Variants in STARD3NL observed in about 807,000 individuals in gnomAD.
STARD3NL encodes STARD3 N-terminal-like protein.
A neutral mutation model predicts 30.9 loss-of-function variants in STARD3NL; 17 were observed. The ratio of observed to expected loss-of-function variants is 0.55; its 90% confidence interval spans 0.38 to 0.82. The LOEUF is 0.82. Among genes scored for constraint, STARD3NL ranks in the 40% least tolerant of loss-of-function variants. The probability of loss-of-function intolerance (pLI) is 0.00; values close to 1 mark genes in which losing one functional copy is unlikely to be tolerated. For missense variants in STARD3NL, 234 were observed against 277.6 expected, an observed-to-expected ratio of 0.84 and a Z score of 1.12; for synonymous variants, 112 against 100.5, an observed-to-expected ratio of 1.11 and a Z score of -0.69.
chr7:38,226,537 C>A (rs528599102), intron 7 of STARD3NL, among the ~76,000 whole-genome samples: 1 of 152,136 alleles, frequency 6.6e-6, no homozygotes, highest in African/African-American at 2.4e-5. Flanking sequence ...GCACCTTCAG[C>A]GTTCAGGCCA....
intron 1 of STARD3NL, among the ~76,000 whole-genome samples, chr7:38,190,156 G>A (rs1269433700): frequency 1.3e-5 from 2 of 152,126 alleles, no homozygotes; most frequent in African/African-American, 4.8e-5. Flanking sequence ...ACAATAATGG[G>A]CAGATAGCAT....
chr7:38,212,338 A>G (rs1785857203), intron 2 of STARD3NL, among the ~76,000 whole-genome samples: 1 of 152,076 alleles, frequency 6.6e-6, no homozygotes, highest in South Asian at 2.1e-4. Flanking sequence ...CCCTTCTACT[A>G]GTTGTTTCTT....
intron 1 of STARD3NL, among the ~76,000 whole-genome samples, chr7:38,181,594 T>A (rs1277612397): frequency 6.6e-6 from 1 of 152,218 alleles, no homozygotes; most frequent in African/African-American, 2.4e-5. Flanking sequence ...TGTAACTTAA[T>A]AGAATTTATC....
chr7:38,209,893 G>T (rs1284505711), intron 2 of STARD3NL, among the ~76,000 whole-genome samples: 3 of 152,156 alleles, frequency 2.0e-5, no homozygotes, highest in African/African-American at 7.2e-5. Context: ...ACCAGGCCTA[G>T]CAATTTAGAA....
intron 2 of STARD3NL, among the ~76,000 whole-genome samples, chr7:38,210,866 A>G (rs971678478): frequency 6.6e-6 from 1 of 152,194 alleles, no homozygotes; most frequent in Admixed American, 6.5e-5. Flanking sequence ...AGAAAATGTC[A>G]TAACAGTCCT....
At chr7:38,224,055 T>C (rs746706424) in intron 7 of STARD3NL, among the ~76,000 whole-genome samples, 14 of 152,228 alleles carry the variant, frequency 9.2e-5, no homozygotes, top group Non-Finnish European at 1.8e-4. Context: ...TGTAGTGATA[T>C]GATACATGGC....
At position 38,214,959 on chromosome 7, in the gene STARD3NL, A is replaced by G. The variant is rs1786013908; in HGVS notation, c.304-69A>G. ...TCACAGTAATGAAGACAGTCTGGTG[A>G]GTTTTTCATAAAGCTGTGTCATTTT... On this transcript the variant is annotated intron_variant, in intron 3 of 8. Coordinates refer to ENST00000009041, the MANE Select transcript of STARD3NL (RefSeq NM_032016.4). The G allele has an allele frequency of 5.1e-6, 7 of 1,372,182 alleles. No individual in the cohort carries two copies. The Admixed American group carries it at 5.7e-5, about 11-fold the overall frequency. 85.0% of individuals were successfully genotyped at this position (1,372,182 alleles called of 1,614,324 possible).
chr7:38,203,576 A>G (rs1785291392), intron 1 of STARD3NL, among the ~76,000 whole-genome samples: 1 of 152,184 alleles, frequency 6.6e-6, no homozygotes, highest in Non-Finnish European at 1.5e-5. Context: ...TCAACTAACG[A>G]GCAAAATAAC....
intron 1 of STARD3NL, among the ~76,000 whole-genome samples, chr7:38,179,629 A>G (rs1007735401): frequency 2.0e-5 from 3 of 152,238 alleles, no homozygotes; most frequent in African/African-American, 7.2e-5. Flanking sequence ...TGAGCAATTT[A>G]GATAAGGCCC....
Position 38,206,462 on chromosome 7 carries a change from G to A in STARD3NL, c.-58-985G>A, listed in dbSNP as rs368525878. On this transcript the variant is annotated intron_variant, in intron 1 of 8. Transcript: ENST00000009041. ...ACAATCATACCATCCACCACACTTCGTTTAATGTCTTTGTCCCATCCATAA... is the reference window on the plus strand; with the variant it reads ...ACAATCATACCATCCACCACACTTCATTTAATGTCTTTGTCCCATCCATAA... Among the ~76,000 whole-genome samples, 27 of 152,276 alleles carry A rather than the reference G, an allele frequency of 1.8e-4. No homozygotes were observed. The South Asian group carries it at 5.4e-3, about 30-fold the overall frequency.
chr7:38,207,011 A>G (rs1008454644), intron 1 of STARD3NL, among the ~76,000 whole-genome samples: 9 of 152,142 alleles, frequency 5.9e-5, no homozygotes, highest in African/African-American at 2.2e-4. Flanking sequence ...TTTATAGCTA[A>G]TTTACACATT....
At chr7:38,181,763 T>C (rs1161933510) in intron 1 of STARD3NL, among the ~76,000 whole-genome samples, 1 of 152,206 alleles carries the variant, frequency 6.6e-6, no homozygotes, top group Non-Finnish European at 1.5e-5. Flanking sequence ...ATGCAACTAA[T>C]GCCCATATTC....
chr7:38,213,056 A>G (rs999687525), intron 2 of STARD3NL, among the ~76,000 whole-genome samples: 1 of 152,180 alleles, frequency 6.6e-6, no homozygotes, highest in Non-Finnish European at 1.5e-5. Context: ...TATTTATTGC[A>G]AAACTCTATG....
At chr7:38,207,375 A>T in intron 1 of STARD3NL, 72 bp from the exon 2 acceptor site, 1 of 674,574 alleles carries the variant, frequency 1.5e-6, no homozygotes, top group Non-Finnish European at 2.5e-6. Context: ...ATAGTTGCAC[A>T]GTGGAGAGGG....
At chr7:38,187,942 C>T (rs140583435) in intron 1 of STARD3NL, among the ~76,000 whole-genome samples, 263 of 152,248 alleles carry the variant, frequency 1.7e-3, no homozygotes, top group African/African-American at 6.0e-3. Context: ...GCTAATCTGT[C>T]GCCAAATGCT....
intron 1 of STARD3NL, chr7:38,202,010 A>G (rs1785204529): frequency 6.6e-6 from 1 of 152,218 alleles, no homozygotes; most frequent in Admixed American, 6.5e-5. Flanking sequence ...CTTAAACTTA[A>G]AATATGTGTT....
chr7:38,224,509 TAAAC>T (rs1786645175), intron 7 of STARD3NL, among the ~76,000 whole-genome samples: 3 of 152,172 alleles, frequency 2.0e-5, no homozygotes, highest in Admixed American at 2.0e-4. Flanking sequence ...ATTCCAGAAA[TAAAC>T]AGTCCATAAG....
chr7:38,206,552 G>A (rs145240948), intron 1 of STARD3NL, among the ~76,000 whole-genome samples: 8 of 152,250 alleles, frequency 5.3e-5, no homozygotes, highest in South Asian at 2.1e-4. Flanking sequence ...CTGGTCTTGA[G>A]GGGCCTGCAT....
Position 38,207,833 on chromosome 7 carries a change from C to G in STARD3NL, c.225+104C>G, listed in dbSNP as rs1234460588. ...ATTTGTTTCATTTAGTAATTTCCAT[C>G]TTTTTCCAAATGAAGCCATTGCTTT... On this transcript the variant is annotated intron_variant, in intron 2 of 8. Transcript: ENST00000009041. The G allele has an allele frequency of 6.2e-6, 7 of 1,126,114 alleles. No homozygotes were observed. The African/African-American group carries it at 7.9e-5, about 13-fold the overall frequency. 69.8% of individuals were successfully genotyped at this position (1,126,114 alleles called of 1,614,324 possible).
Sources: allele counts gnomAD v4.1 joint callset (sites outside exome capture counted in the v4.1 genomes callset), GRCh38; gene constraint gnomAD v4.1.1; transcripts MANE v1.5; gene names NCBI Gene and HGNC (gene_info 2026-07-23, HGNC 2026-07-21).